Variants in FANCC observed in about 807,000 individuals in gnomAD.
The protein encoded by FANCC is FA complementation group C.
A neutral mutation model predicts 71.3 loss-of-function variants in FANCC; 55 were observed. The observed-to-expected ratio is 0.77, with a 90% CI of 0.62 to 0.97. The LOEUF (loss-of-function observed/expected upper bound fraction) is 0.97. Ranked by LOEUF, FANCC falls within the 50% of genes least tolerant of loss-of-function variation. FANCC has a pLI of 0.00. For missense variants in FANCC, 678 were observed against 670.9 expected, an observed-to-expected ratio of 1.01 and a Z score of -0.12; for synonymous variants, 275 against 244.9, an observed-to-expected ratio of 1.12 and a Z score of -1.15.
rs577971641 is a variant in FANCC at position 95,272,229 on chromosome 9, C to T, written c.-78-22860G>A. Among the ~76,000 whole-genome samples the T allele has an allele frequency of 1.4e-4, 22 of 152,058 alleles. No homozygotes were observed. In the South Asian group the frequency reaches 3.3e-3, roughly 23 times the overall value. On this transcript the variant is annotated intron_variant, in intron 1 of 14. Coordinates refer to ENST00000289081, the MANE Select transcript of FANCC (RefSeq NM_000136.3). ...CTGGGATTACAGTCACAAGCCACCG[C>T]GCCCGGCCCCGCCTCCTCTTTTTTA... is the stretch of plus-strand genomic sequence containing the variant.
chr9:95,209,450 A>AT (rs1278881246), intron 4 of FANCC, among the ~76,000 whole-genome samples: 1 of 152,204 alleles, frequency 6.6e-6, no homozygotes, highest in Non-Finnish European at 1.5e-5. Context: ...GGGACTGTTG[A>AT]TAACAGGGGA....
chr9:95,182,286 C>A (rs979252752), intron 4 of FANCC, among the ~76,000 whole-genome samples: 1 of 151,492 alleles, frequency 6.6e-6, no homozygotes, highest in African/African-American at 2.4e-5. Flanking sequence ...TTTGGGAGGC[C>A]GAGGCAGGCG....
chr9:95,284,348 A>C (rs1051269976), intron 1 of FANCC, among the ~76,000 whole-genome samples: 3 of 152,248 alleles, frequency 2.0e-5, no homozygotes, highest in Admixed American at 6.5e-5. Context: ...CAATATGTTA[A>C]TATGAGATGG....
At chr9:95,234,097 G>C (rs1271645712) in intron 4 of FANCC, among the ~76,000 whole-genome samples, 1 of 152,202 alleles carries the variant, frequency 6.6e-6, no homozygotes, top group African/African-American at 2.4e-5. Context: ...AGAAGTCAGA[G>C]ATTAAAAATA....
intron 1 of FANCC, among the ~76,000 whole-genome samples, chr9:95,286,741 C>T (rs1833712192): frequency 6.6e-6 from 1 of 152,168 alleles, no homozygotes; most frequent in Non-Finnish European, 1.5e-5. Context: ...GGAGCATCAT[C>T]AGACCCAGTG....
chr9:95,262,628 C>A (rs1350698666), intron 1 of FANCC, among the ~76,000 whole-genome samples: 1 of 152,166 alleles, frequency 6.6e-6, no homozygotes, highest in Non-Finnish European at 1.5e-5. Context: ...TAGGTATATA[C>A]CCAAAAGAAT....
intron 8 of FANCC, chr9:95,126,905 G>A (rs987943545): frequency 1.8e-5 from 6 of 339,230 alleles, no homozygotes; most frequent in East Asian, 6.5e-5. Flanking sequence ...CCCGCATGCC[G>A]TGGAGCCTGC....
At chr9:95,194,004 G>GCA (rs574337640) in intron 4 of FANCC, among the ~76,000 whole-genome samples, 57 of 152,218 alleles carry the variant, frequency 3.7e-4, no homozygotes, top group African/African-American at 1.3e-3. Context: ...TTCCAAGGCT[G>GCA]CACACCAGTA....
chr9:95,101,998 A>G (rs1042660316), intron 14 of FANCC, 148 bp from the exon 15 acceptor site: 2 of 918,604 alleles, frequency 2.2e-6, no homozygotes, highest in Non-Finnish European at 3.4e-6. Context: ...CAGGGGCTCT[A>G]GTTTGCAAGG....
intron 4 of FANCC, among the ~76,000 whole-genome samples, chr9:95,201,496 T>C (rs190850132): frequency 5.9e-5 from 9 of 152,190 alleles, no homozygotes; most frequent in East Asian, 1.9e-4. Context: ...CCCACACTTA[T>C]CCACACTCAT....
chr9:95,259,665 T>C (rs536585060), intron 1 of FANCC, among the ~76,000 whole-genome samples: 128 of 152,120 alleles, frequency 8.4e-4, no homozygotes, highest in Non-Finnish European at 1.7e-3. Context: ...CCAAAAGCAA[T>C]GGCAACAAAA....
chr9:95,292,939 G>A, intron 1 of FANCC: 1 of 1,579,830 alleles, frequency 6.3e-7, no homozygotes, highest in Non-Finnish European at 8.7e-7. Context: ...TACGCCAGTA[G>A]AAAAGCATTG....
Position 95,135,377 on chromosome 9 carries a change from C to T in FANCC, c.812G>A (p.Arg271Lys), listed in dbSNP as rs1344154616. ...LISSERNCLR[R>K]IECFIKDSSL... Reference sequence around the variant, plus strand: ...TGAATCTTTTATAAAGCATTCGATCCTTCTCAGACAATTTCTCTCACTGGA... The same window carrying T: ...TGAATCTTTTATAAAGCATTCGATCTTTCTCAGACAATTTCTCTCACTGGA... Residue 271 changes from arginine to lysine, a missense_variant, in exon 8 of 15, where the codon AGG becomes AAG. Transcript: ENST00000289081. 1 of 1,614,092 alleles carries T rather than the reference C, an allele frequency of 6.2e-7. No homozygotes were observed.
At chr9:95,237,549 G>A (rs1335383012) in intron 4 of FANCC, among the ~76,000 whole-genome samples, 1 of 152,242 alleles carries the variant, frequency 6.6e-6, no homozygotes, top group African/African-American at 2.4e-5. Context: ...GCGGCCGCCT[G>A]CCACATGTGG....
chr9:95,240,885 C>T, intron 3 of FANCC, 142 bp from the exon 4 acceptor site: 1 of 642,644 alleles, frequency 1.6e-6, no homozygotes, highest in Non-Finnish European at 2.8e-6. Context: ...TGCTTTCTCG[C>T]CATCATACTT....
At chr9:95,161,842 CTTTTTTTT>C (rs71366277) in intron 6 of FANCC, among the ~76,000 whole-genome samples, 1 of 110,766 alleles carries the variant, frequency 9.0e-6, no homozygotes, top group Non-Finnish European at 2.0e-5. Flanking sequence ...CTTTTCTTTT[CTTTTTTTT>C]TTTTTTTTTG....
At chr9:95,308,518 T>C (rs1160253879) in intron 1 of FANCC, among the ~76,000 whole-genome samples, 1 of 151,996 alleles carries the variant, frequency 6.6e-6, no homozygotes, top group Admixed American at 6.6e-5. Context: ...ACTCCTGACC[T>C]CAAGTGATCC....
intron 14 of FANCC, among the ~76,000 whole-genome samples, chr9:95,106,372 C>A (rs554514095): frequency 6.6e-6 from 1 of 152,310 alleles, no homozygotes; most frequent in South Asian, 2.1e-4. Flanking sequence ...AAACTCTAAT[C>A]ATATATATTA....
intron 7 of FANCC, among the ~76,000 whole-genome samples, chr9:95,137,850 G>A (rs898989635): frequency 6.6e-6 from 1 of 152,230 alleles, no homozygotes; most frequent in Non-Finnish European, 1.5e-5. Context: ...ACAAAGGGGC[G>A]AATGAACCCT....
Sources: allele counts gnomAD v4.1 joint callset (sites outside exome capture counted in the v4.1 genomes callset), GRCh38; gene constraint gnomAD v4.1.1; transcripts MANE v1.5; gene names NCBI Gene and HGNC (gene_info 2026-07-23, HGNC 2026-07-21).